The following PAK2 variants were observed in gnomAD, a reference collection of about 807,000 sequenced individuals.
The protein encoded by PAK2 is serine/threonine-protein kinase PAK 2.
Under a neutral mutation model 65.9 loss-of-function variants are expected in PAK2, and 21 were observed. The observed-to-expected ratio is 0.32, with a 90% CI of 0.23 to 0.46. The LOEUF (loss-of-function observed/expected upper bound fraction) is 0.46, where lower values mean the gene tolerates loss of function less well. Among genes scored for constraint, PAK2 ranks in the 20% least tolerant of loss-of-function variants. The pLI, the probability that PAK2 is intolerant of heterozygous loss-of-function variation, is 1.00. For synonymous variants in PAK2, 204 were observed against 219.7 expected (o/e 0.93, Z 0.63); for missense variants, 324 against 642.6 (o/e 0.50, Z 5.36).
intron 1 of PAK2, among the ~76,000 whole-genome samples, chr3:196,742,412 T>TAA (rs1385335363): frequency 3.1e-4 from 47 of 152,178 alleles, no homozygotes; most frequent in African/African-American, 1.1e-3. Context: ...TTATACTTTT[T>TAA]AAGAGAGACT....
chr3:196,761,503 CAGA>C (rs2108720284), intron 1 of PAK2, among the ~76,000 whole-genome samples: 1 of 92,986 alleles, frequency 1.1e-5, no homozygotes, highest in South Asian at 4.1e-4. Context: ...GATCCCAAGG[CAGA>C]AGAATTTTTC....
In PAK2 at chr3:196,810,901, G is replaced by C. The variant is rs539356850; in HGVS notation, c.773+248G>C. Among the ~76,000 whole-genome samples, 4 of 152,092 alleles carry C rather than the reference G, an allele frequency of 2.6e-5. No homozygotes were observed. In the East Asian group the frequency reaches 7.7e-4, roughly 29 times the overall value. ...TGTCATTTCCCATCTGTGATAATTAGAGGGAAGAATTGCCCATAAAATATA... is the reference window on the plus strand; with the variant it reads ...TGTCATTTCCCATCTGTGATAATTACAGGGAAGAATTGCCCATAAAATATA... On this transcript the variant is annotated intron_variant, in intron 8 of 14. Coordinates refer to ENST00000327134, the MANE Select transcript of PAK2 (RefSeq NM_002577.4).
intron 11 of PAK2, among the ~76,000 whole-genome samples, chr3:196,815,804 GAAAT>G (rs992510800): frequency 2.0e-5 from 3 of 151,554 alleles, no homozygotes; most frequent in African/African-American, 7.3e-5. Context: ...AAAAGAGAAA[GAAAT>G]ACGCCACTCA....
chr3:196,782,696 G>A lies in PAK2; in HGVS notation c.50G>A (p.Arg17Gln), dbSNP rs1714753586. ...GATAAGCCTCCAGCACCTCCTGTGC[G>A]AATGAGCAGCACCATCTTTAGCACT... is the stretch of plus-strand genomic sequence containing the variant. ...LEDKPPAPPV[R>Q]MSSTIFSTGG... Residue 17 changes from arginine (R) to glutamine (Q), a missense_variant, in exon 2 of 15, where the codon CGA (arginine) becomes CAA (glutamine). By Grantham distance (43) the Arg-to-Gln change is conservative. Around this residue, in one of 5 missense-constraint regions of PAK2, gnomAD observed 42 missense variants for 67.4 expected, o/e 0.62. Transcript: ENST00000327134. 3 of 1,611,470 alleles carry A rather than the reference G, an allele frequency of 1.9e-6. No homozygotes were observed. Among genetic ancestry groups the A allele is most frequent in the Non-Finnish European group, 8.5e-7 (1 of 1,177,964 alleles).
intron 2 of PAK2, among the ~76,000 whole-genome samples, chr3:196,801,075 A>C (rs1376835798): frequency 3.3e-5 from 5 of 152,144 alleles, no homozygotes; most frequent in Non-Finnish European, 7.4e-5. Context: ...CCATAGAAAA[A>C]CTGCATAGTT....
intron 2 of PAK2, among the ~76,000 whole-genome samples, chr3:196,787,895 C>T (rs1391242857): frequency 6.6e-6 from 1 of 152,226 alleles, no homozygotes; most frequent in Admixed American, 6.5e-5. Context: ...TGAGGGAGAA[C>T]CTTGTGTGTG....
At chr3:196,773,451 C>CA (rs543667715) in intron 1 of PAK2, among the ~76,000 whole-genome samples, 87 of 152,152 alleles carry the variant, frequency 5.7e-4, no homozygotes, top group African/African-American at 2.0e-3. Context: ...AATTCACACA[C>CA]AAAAAATACT....
chr3:196,786,504 A>G (rs931128998), intron 2 of PAK2, among the ~76,000 whole-genome samples: 3 of 151,830 alleles, frequency 2.0e-5, no homozygotes, highest in Non-Finnish European at 4.4e-5. Context: ...TTTTTTAAGA[A>G]ATTTTTGTCT....
chr3:196,745,809 A>G (rs150124060), intron 1 of PAK2, among the ~76,000 whole-genome samples: 2,177 of 129,460 alleles, frequency 0.017, 51 homozygotes, highest in African/African-American at 0.056. Flanking sequence ...ACGAGACTCC[A>G]TCTCTAAGTA....
chr3:196,745,964 A>C (rs929947531), intron 1 of PAK2, among the ~76,000 whole-genome samples: 4 of 151,206 alleles, frequency 2.6e-5, no homozygotes, highest in Non-Finnish European at 4.4e-5. Context: ...TCACTTTTCT[A>C]TGGTTACAAT....
chr3:196,811,360 T>TCCCC (rs1715815015), intron 8 of PAK2, among the ~76,000 whole-genome samples: 1 of 51,400 alleles, frequency 1.9e-5, no homozygotes, highest in Non-Finnish European at 4.1e-5. Flanking sequence ...CTTCCCTCCC[T>TCCCC]TCCCTTCCTT....
chr3:196,756,276 G>A (rs1480840225), intron 1 of PAK2, among the ~76,000 whole-genome samples: 2 of 152,138 alleles, frequency 1.3e-5, no homozygotes, highest in Non-Finnish European at 2.9e-5. Flanking sequence ...TACACTCCCT[G>A]TGTCCTCTGT....
chr3:196,753,221 T>A (rs1713665964), intron 1 of PAK2, among the ~76,000 whole-genome samples: 1 of 152,072 alleles, frequency 6.6e-6, no homozygotes, highest in Non-Finnish European at 1.5e-5. Flanking sequence ...CCTCCCAAAG[T>A]GCTGGGATTG....
intron 2 of PAK2, among the ~76,000 whole-genome samples, chr3:196,799,754 A>G (rs1023666493): frequency 2.0e-5 from 3 of 152,142 alleles, no homozygotes; most frequent in Non-Finnish European, 2.9e-5. Context: ...TCCTGGGTTC[A>G]AGCAATTCTT....
intron 1 of PAK2, among the ~76,000 whole-genome samples, chr3:196,750,215 C>T (rs1253188640): frequency 6.6e-6 from 1 of 152,058 alleles, no homozygotes; most frequent in Non-Finnish European, 1.5e-5. Flanking sequence ...GTCTCGAACT[C>T]CTGAGCTCAG....
intron 13 of PAK2, among the ~76,000 whole-genome samples, chr3:196,825,457 C>G (rs532819576): frequency 6.6e-6 from 1 of 151,456 alleles, no homozygotes; most frequent in Non-Finnish European, 1.5e-5. Flanking sequence ...GCCTGGCCAA[C>G]ACAGTGAAAC....
chr3:196,828,599 C>CT lies in PAK2; in HGVS notation c.*197dup. ...AGTATGACTTTTATATGAACCCCTT[C>CT]TTTAGGGTCCAGAAGGAATTGTGGA... On this transcript the variant is annotated 3_prime_UTR_variant, in exon 15 of 15. Transcript: ENST00000327134. 1 of 549,504 alleles carries CT rather than the reference C, an allele frequency of 1.8e-6. No individual in the cohort carries two copies. The highest frequency in any genetic ancestry group is 3.2e-6 in the Non-Finnish European group (1 of 313,536). 34.0% of individuals were successfully genotyped at this position (549,504 alleles called of 1,614,324 possible). A position where few individuals can be genotyped will look rare whatever the true frequency, so the allele number is the denominator to read the frequency against.
intron 1 of PAK2, among the ~76,000 whole-genome samples, chr3:196,759,371 C>G (rs974751131): frequency 1.3e-5 from 2 of 151,916 alleles, no homozygotes; most frequent in Non-Finnish European, 2.9e-5. Flanking sequence ...TTCTCTTGCT[C>G]TCTGCATCTA....
At chr3:196,744,930 TTC>T (rs576204256) in intron 1 of PAK2, among the ~76,000 whole-genome samples, 244 of 103,900 alleles carry the variant, frequency 2.3e-3, no homozygotes, top group African/African-American at 7.8e-3. Flanking sequence ...AATTTCTTTT[TTC>T]TTTTTTTTTT....
Sources: gnomAD v4.1 joint callset for allele counts (sites outside exome capture counted in the v4.1 genomes callset) on GRCh38, gnomAD v4.1.1 for gene constraint, gnomAD v4.1.1 regional missense constraint, MANE v1.5 for transcripts, NCBI Gene and HGNC (gene_info 2026-07-23, HGNC 2026-07-21) for gene names.